The following ZBTB20 variants were observed in gnomAD, a reference collection of about 807,000 sequenced individuals.
ZBTB20 encodes zinc finger and BTB domain containing 20.
Under a neutral mutation model 56.9 loss-of-function variants are expected in ZBTB20, and 9 were observed. That is an observed-to-expected ratio of 0.16 (90% CI 0.10 to 0.28). The LOEUF (loss-of-function observed/expected upper bound fraction) is 0.28, where lower values mean the gene tolerates loss of function less well. ZBTB20 is among the 10% of genes least tolerant of loss of function. The pLI, the probability that ZBTB20 is intolerant of heterozygous loss-of-function variation, is 1.00. For missense variants in ZBTB20, 655 were observed against 1,003.0 expected (o/e 0.65, Z 4.69); for synonymous variants, 417 against 420.7 (o/e 0.99, Z 0.11).
At chr3:114,651,041 T>C (rs2060101596) in intron 6 of ZBTB20, among the ~76,000 whole-genome samples, 1 of 152,036 alleles carries the variant, frequency 6.6e-6, no homozygotes. Context: ...TTCAAAAGCA[T>C]ACCACATGAC....
At position 114,689,889 on chromosome 3, in the gene ZBTB20, G is replaced by C. The variant is rs779686127; in HGVS notation, c.-295+3639C>G. ...GGCTAGTTCCTACTGGTCTTTTCTT[G>C]TGACACCTGCCTTAGTCAAGCCATC... On this transcript the variant is annotated intron_variant, in intron 6 of 11. Coordinates refer to ENST00000675478, the MANE Select transcript of ZBTB20 (RefSeq NM_001348800.3). 7.8e-4 allele frequency among the ~76,000 whole-genome samples: 118 copies of C among 152,120 alleles called. 2 individuals carry two copies. The highest frequency in any genetic ancestry group is 2.5e-3 in the African/African-American group (105 of 41,516).
intron 1 of ZBTB20, among the ~76,000 whole-genome samples, chr3:115,146,351 C>A (rs1464841484): frequency 7.0e-6 from 1 of 143,310 alleles, no homozygotes; most frequent in African/African-American, 2.6e-5. Context: ...TCTTCAGCAT[C>A]CTTAAAAAGG....
At chr3:115,013,575 G>A (rs978329944) in intron 2 of ZBTB20, among the ~76,000 whole-genome samples, 1 of 151,594 alleles carries the variant, frequency 6.6e-6, no homozygotes, top group Non-Finnish European at 1.5e-5. Flanking sequence ...ACTACCTGAT[G>A]GCTTCCCTGC....
In ZBTB20 at chr3:114,331,136, T is replaced by TGTGC. The variant is rs961722166; in HGVS notation, c.*7868_*7869insGCAC. Reference sequence around the variant, plus strand: ...GTGTGTGTGTGTGTGTGTGTGTGTGTGCACACTGCATTGCATAGAGGAAAG... The same window carrying TGTGC: ...GTGTGTGTGTGTGTGTGTGTGTGTGTGTGCGCACACTGCATTGCATAGAGGAAAG... On this transcript the variant is annotated 3_prime_UTR_variant, in exon 12 of 12. Transcript: ENST00000675478. The TGTGC allele has an allele frequency of 1.1e-4, 16 of 151,266 alleles. No individual in the cohort carries two copies. Among genetic ancestry groups the TGTGC allele is most frequent in the African/African-American group, 4.0e-4 (16 of 40,362 alleles). 9.4% of individuals were successfully genotyped at this position (151,266 alleles called of 1,614,324 possible).
chr3:114,735,058 T>G (rs2066046732), intron 5 of ZBTB20, among the ~76,000 whole-genome samples: 1 of 151,950 alleles, frequency 6.6e-6, no homozygotes, highest in Non-Finnish European at 1.5e-5. Flanking sequence ...TATGACACCA[T>G]GTTATTTGAG....
intron 6 of ZBTB20, among the ~76,000 whole-genome samples, chr3:114,507,264 C>T (rs1369343604): frequency 6.6e-6 from 1 of 152,104 alleles, no homozygotes; most frequent in Non-Finnish European, 1.5e-5. Flanking sequence ...AAAGTTGTGG[C>T]TATTTCCACA....
At chr3:114,753,345 T>C (rs971202996) in intron 5 of ZBTB20, among the ~76,000 whole-genome samples, 28,095 of 129,830 alleles carry the variant, frequency 0.22, 13,041 homozygotes, top group Admixed American at 0.37. Flanking sequence ...AATGTATATA[T>C]GTATACATTA....
chr3:114,648,708 T>TAGC (rs987694894), intron 6 of ZBTB20, among the ~76,000 whole-genome samples: 7 of 152,040 alleles, frequency 4.6e-5, no homozygotes, highest in African/African-American at 1.7e-4. Flanking sequence ...CAAAACATGT[T>TAGC]AGCCCTACTG....
intron 2 of ZBTB20, among the ~76,000 whole-genome samples, chr3:115,028,279 A>C (rs1354333606): frequency 6.6e-6 from 1 of 150,800 alleles, no homozygotes; most frequent in South Asian, 2.1e-4. Flanking sequence ...TGAAGCTAGC[A>C]AAAGCCTAAA....
At chr3:114,404,750 A>C (rs991083277) in intron 7 of ZBTB20, among the ~76,000 whole-genome samples, 1 of 152,136 alleles carries the variant, frequency 6.6e-6, no homozygotes, top group South Asian at 2.1e-4. Flanking sequence ...CGGAGCTTAT[A>C]TCATATCCTG....
At chr3:115,144,527 T>C (rs1389909354) in intron 1 of ZBTB20, among the ~76,000 whole-genome samples, 2 of 152,196 alleles carry the variant, frequency 1.3e-5, no homozygotes, top group African/African-American at 2.4e-5. Context: ...GATCCAATTA[T>C]AGAAGAAACT....
intron 7 of ZBTB20, among the ~76,000 whole-genome samples, chr3:114,449,453 G>A (rs1305958553): frequency 6.6e-6 from 1 of 152,024 alleles, no homozygotes. Flanking sequence ...ACTTGAGAAA[G>A]GTAACCAAGT....
intron 6 of ZBTB20, among the ~76,000 whole-genome samples, chr3:114,682,154 A>G (rs1012730590): frequency 6.6e-6 from 1 of 152,200 alleles, no homozygotes; most frequent in African/African-American, 2.4e-5. Flanking sequence ...AAAGGCATAG[A>G]ATGTTACTCA....
rs964012035 is a variant in ZBTB20, at chr3:114,952,371, C to T, written c.-456+21995G>A. On this transcript the variant is annotated intron_variant, in intron 3 of 11. Transcript: ENST00000675478. ...ATCATGAGATCACCCTTGTTAGATG[C>T]TAGCATCATGATCTTAGACTTCTCA... Among the ~76,000 whole-genome samples the T allele has an allele frequency of 3.9e-5, 6 of 152,028 alleles. No individual in the cohort carries two copies. In the South Asian group the frequency reaches 6.2e-4, roughly 16 times the overall value.
Position 114,749,765 on chromosome 3 carries a change from C to A in ZBTB20, c.-343+51336G>T, listed in dbSNP as rs115843530. Among the ~76,000 whole-genome samples, 301 of 152,268 alleles carry A rather than the reference C, an allele frequency of 2.0e-3. 1 individual carries two copies. Among genetic ancestry groups the A allele is most frequent in the African/African-American group, 6.9e-3 (285 of 41,564 alleles). On this transcript the variant is annotated intron_variant, in intron 5 of 11. Coordinates refer to ENST00000675478, the MANE Select transcript of ZBTB20 (RefSeq NM_001348800.3). ...AGAAACTTTGGTTTGTATCCCATTT[C>A]CACCTTTTAACAAGTCATTTAGCCT... is the stretch of plus-strand genomic sequence containing the variant.
At chr3:115,005,409 T>C (rs1283500567) in intron 2 of ZBTB20, among the ~76,000 whole-genome samples, 2 of 151,640 alleles carry the variant, frequency 1.3e-5, no homozygotes, top group South Asian at 2.1e-4. Context: ...ATTATACACA[T>C]GTTTGAAAAC....
intron 3 of ZBTB20, among the ~76,000 whole-genome samples, chr3:114,914,410 T>A (rs1172138108): frequency 6.6e-6 from 1 of 152,110 alleles, no homozygotes; most frequent in East Asian, 1.9e-4. Flanking sequence ...CACTGACTTT[T>A]GTATGTTGAC....
chr3:114,865,105 A>C (rs2075711497), intron 4 of ZBTB20, among the ~76,000 whole-genome samples: 1 of 152,140 alleles, frequency 6.6e-6, no homozygotes. Flanking sequence ...GCCATCTATT[A>C]TAAATAGTGC....
intron 5 of ZBTB20, among the ~76,000 whole-genome samples, chr3:114,725,361 C>A (rs1177020693): frequency 1.3e-5 from 2 of 152,196 alleles, no homozygotes; most frequent in Non-Finnish European, 2.9e-5. Flanking sequence ...AGACAAGGGT[C>A]AGATTTGCTA....
Sources: allele counts gnomAD v4.1 joint callset (sites outside exome capture counted in the v4.1 genomes callset), GRCh38; gene constraint gnomAD v4.1.1; transcripts MANE v1.5; gene names NCBI Gene and HGNC (gene_info 2026-07-23, HGNC 2026-07-21).